Variants in TBC1D1 observed in about 807,000 individuals in gnomAD.
TBC1D1 encodes TBC1 (tre-2/USP6, BUB2, cdc16) domain family, member 1.
A neutral mutation model predicts 125.6 loss-of-function variants in TBC1D1; 89 were observed. That is an observed-to-expected ratio of 0.71 (90% CI 0.60 to 0.85). TBC1D1 has a LOEUF of 0.85. TBC1D1 is among the 40% of genes least tolerant of loss of function. TBC1D1 has a pLI of 0.00. For synonymous variants in TBC1D1, 565 were observed against 564.1 expected, an observed-to-expected ratio of 1.00 and a Z score of -0.02; for missense variants, 1,377 against 1,469.2, an observed-to-expected ratio of 0.94 and a Z score of 1.03.
Position 38,137,392 on chromosome 4 carries a change from G to A in TBC1D1, c.*57G>A, listed in dbSNP as rs1766828120. ...CACACTGTCCAGGCCTTAACTGAGA[G>A]GGACAGAAGACGCTGGAAGGAGAGA... On this transcript the variant is annotated 3_prime_UTR_variant, in exon 20 of 20. Coordinates refer to ENST00000261439, the MANE Select transcript of TBC1D1 (RefSeq NM_015173.4). 7.0e-7 allele frequency: 1 copy of A among 1,419,936 alleles called. No individual in the cohort carries two copies. Among genetic ancestry groups the A allele is most frequent in the East Asian group, 2.5e-5 (1 of 40,020 alleles). The allele number at this position is 1,419,936 out of a possible 1,614,324, so 88.0% of individuals were successfully genotyped here.
In TBC1D1 at chr4:38,096,043, C is replaced by A; in HGVS notation, c.2351C>A (p.Ser784Ter). The A allele has an allele frequency of 3.1e-6, 5 of 1,613,582 alleles. No individual in the cohort carries two copies. The highest frequency in any genetic ancestry group is 4.2e-6 in the Non-Finnish European group (5 of 1,179,780). ...AAGATGCTTAGCACTCCAGGAAGATCAAAAATTAAGTTTGACATGGAAAAA... is the reference window on the plus strand; with the variant it reads ...AAGATGCTTAGCACTCCAGGAAGATAAAAAATTAAGTTTGACATGGAAAAA... Residue 784 changes from serine to a stop codon, truncating the protein, a stop_gained, in exon 14 of 20, where the codon TCA (serine) becomes TAA (stop). Transcript: ENST00000261439. LOFTEE classifies it high-confidence loss of function.
chr4:38,006,730 T>C lies in TBC1D1; in HGVS notation c.418-7779T>C, dbSNP rs138406773. 782 of 382,234 alleles carry C rather than the reference T, an allele frequency of 2.0e-3. 4 individuals carry two copies. Among genetic ancestry groups the C allele is most frequent in the African/African-American group, 7.9e-3 (368 of 46,776 alleles). The allele number at this position is 382,234 out of a possible 1,614,324, so 23.7% of individuals were successfully genotyped here. A position where few individuals can be genotyped will look rare whatever the true frequency, so the allele number is the denominator to read the frequency against. ...TCCTGACCTTGTGATCCGCCCACCTTGGCCTCCCAAAGTGCTGGGATTACA... is the reference window on the plus strand; with the variant it reads ...TCCTGACCTTGTGATCCGCCCACCTCGGCCTCCCAAAGTGCTGGGATTACA... On this transcript the variant is annotated intron_variant, in intron 2 of 19. Transcript: ENST00000261439.
intron 2 of TBC1D1, among the ~76,000 whole-genome samples, chr4:37,998,021 C>G (rs1445163856): frequency 2.0e-5 from 3 of 152,182 alleles, no homozygotes; most frequent in African/African-American, 7.2e-5. Context: ...CATCTAGCCA[C>G]TGAACCCTCC....
chr4:37,963,251 C>T (rs1053665696), intron 2 of TBC1D1, among the ~76,000 whole-genome samples: 1 of 152,206 alleles, frequency 6.6e-6, no homozygotes, highest in Non-Finnish European at 1.5e-5. Context: ...AATTGGCTCA[C>T]AGTTCTGCAG....
chr4:37,900,077 C>T (rs1442755285), intron 1 of TBC1D1, among the ~76,000 whole-genome samples: 1 of 149,254 alleles, frequency 6.7e-6, no homozygotes, highest in East Asian at 2.0e-4. Flanking sequence ...GCCGAGATCG[C>T]GCCACTGCAC....
At chr4:38,077,765 C>T (rs964386597) in intron 12 of TBC1D1, among the ~76,000 whole-genome samples, 1 of 151,746 alleles carries the variant, frequency 6.6e-6, no homozygotes, top group African/African-American at 2.4e-5. Context: ...GATGTTCAAG[C>T]GATTTTAATT....
At chr4:38,008,213 C>G (rs946008787) in intron 2 of TBC1D1, among the ~76,000 whole-genome samples, 1 of 152,222 alleles carries the variant, frequency 6.6e-6, no homozygotes, top group African/African-American at 2.4e-5. Flanking sequence ...GTTTTAAAAA[C>G]TATTTTAGAA....
At chr4:37,948,528 G>A (rs1413901670) in intron 2 of TBC1D1, among the ~76,000 whole-genome samples, 3 of 151,952 alleles carry the variant, frequency 2.0e-5, no homozygotes, top group Non-Finnish European at 2.9e-5. Context: ...TCCACAGGCT[G>A]AGGCAGGAGA....
chr4:38,063,860 C>T (rs1382254016), intron 12 of TBC1D1, among the ~76,000 whole-genome samples: 2 of 152,146 alleles, frequency 1.3e-5, no homozygotes, highest in South Asian at 2.1e-4. Context: ...AACTCATGGC[C>T]TCAAGTGATC....
At chr4:37,931,722 C>G (rs990115641) in intron 2 of TBC1D1, among the ~76,000 whole-genome samples, 10 of 151,946 alleles carry the variant, frequency 6.6e-5, no homozygotes, top group Admixed American at 5.9e-4. Context: ...GTGATCCACC[C>G]GCCTTGGCCT....
intron 18 of TBC1D1, among the ~76,000 whole-genome samples, chr4:38,130,190 G>A (rs1425970121): frequency 3.3e-5 from 5 of 152,256 alleles, no homozygotes; most frequent in East Asian, 3.9e-4. Context: ...TATATATAGC[G>A]ACATGAAAAA....
chr4:38,118,626 T>TAA, intron 17 of TBC1D1: 1 of 157,210 alleles, frequency 6.4e-6, no homozygotes, highest in Non-Finnish European at 1.4e-5. Flanking sequence ...CTTTCTCTTC[T>TAA]TGCCCTGCCC....
At chr4:38,046,515 T>C (rs1018450498) in intron 10 of TBC1D1, among the ~76,000 whole-genome samples, 3 of 152,202 alleles carry the variant, frequency 2.0e-5, no homozygotes, top group Non-Finnish European at 2.9e-5. Flanking sequence ...TGGGGGTACA[T>C]GTGCATGTTT....
intron 14 of TBC1D1, among the ~76,000 whole-genome samples, chr4:38,097,136 A>G (rs1246647549): frequency 6.6e-6 from 1 of 152,156 alleles, no homozygotes; most frequent in Non-Finnish European, 1.5e-5. Flanking sequence ...TGAGTTTATC[A>G]GTTGTGCAGT....
intron 2 of TBC1D1, among the ~76,000 whole-genome samples, chr4:37,925,450 G>T (rs772360125): frequency 2.0e-5 from 3 of 152,142 alleles, no homozygotes; most frequent in Non-Finnish European, 2.9e-5. Flanking sequence ...GGTTGTGGTG[G>T]CTTACGCCTG....
intron 10 of TBC1D1, among the ~76,000 whole-genome samples, chr4:38,048,842 G>A (rs900266073): frequency 3.9e-5 from 6 of 152,210 alleles, no homozygotes; most frequent in African/African-American, 1.4e-4. Context: ...TTGAAAAAGC[G>A]TGCATCGTGA....
chr4:38,057,862 G>A (rs755175767), intron 12 of TBC1D1, among the ~76,000 whole-genome samples: 2 of 152,150 alleles, frequency 1.3e-5, no homozygotes, highest in Admixed American at 6.5e-5. Context: ...CTGAGCTCGC[G>A]GGTCTGAGCT....
rs1372205309 is a variant in TBC1D1 at position 37,942,546 on chromosome 4, G to GT, written c.417+40044dup. 8.0e-4 allele frequency among the ~76,000 whole-genome samples: 117 copies of GT among 147,128 alleles called. 1 individual carries two copies. The highest frequency in any genetic ancestry group is 2.3e-3 in the Admixed American group (34 of 14,704). On this transcript the variant is annotated intron_variant, in intron 2 of 19. Coordinates refer to ENST00000261439, the MANE Select transcript of TBC1D1 (RefSeq NM_015173.4). ...TAAGGTTAATATTGGTGTTTTTTTTGTTTTTTTTTTAGGACGGAGTCTTGC... is the reference window on the plus strand; with the variant it reads ...TAAGGTTAATATTGGTGTTTTTTTTGTTTTTTTTTTTAGGACGGAGTCTTGC...
intron 2 of TBC1D1, among the ~76,000 whole-genome samples, chr4:37,992,576 G>A (rs1473129865): frequency 7.2e-5 from 10 of 138,162 alleles, no homozygotes; most frequent in African/African-American, 1.4e-4. Flanking sequence ...CTCACTGCAA[G>A]CTCCGCCTCC....
Sources: allele counts gnomAD v4.1 joint callset (sites outside exome capture counted in the v4.1 genomes callset), GRCh38; gene constraint gnomAD v4.1.1; transcripts MANE v1.5; gene names NCBI Gene and HGNC (gene_info 2026-07-23, HGNC 2026-07-21).